The following C8orf58 variants were observed in gnomAD, a reference collection of about 807,000 sequenced individuals.
C8orf58 encodes the protein chromosome 8 open reading frame 58, also known as uncharacterized protein C8orf58.
Under a neutral mutation model 36.8 loss-of-function variants are expected in C8orf58, and 31 were observed. The ratio of observed to expected loss-of-function variants is 0.84; its 90% CI spans 0.63 to 1.14. The LOEUF (loss-of-function observed/expected upper bound fraction) is 1.14, where lower values mean the gene tolerates loss of function less well. Ranked by LOEUF, C8orf58 falls within the 50% of genes most tolerant of loss-of-function variation. The pLI is 0.00. For missense variants in C8orf58, 538 were observed against 480.8 expected (o/e 1.12, Z -1.11); for synonymous variants, 230 against 200.2 (o/e 1.15, Z -1.26).
In C8orf58 at chr8:22,603,241, C is replaced by T. The variant is rs373658775; in HGVS notation, c.1033C>T (p.Arg345Trp). 2.0e-5 allele frequency: 33 copies of T among 1,613,920 alleles called. 1 individual carries two copies. Among genetic ancestry groups the T allele is most frequent in the African/African-American group, 8.0e-5 (6 of 74,934 alleles). ...LPERPQCRPH[R>W]KTFMPSLVVK... Reference sequence around the variant, plus strand: ...TGAAAGGCCTCAGTGCCGCCCCCACCGGAAGACCTTTATGCCATCATTAGT... The same window carrying T: ...TGAAAGGCCTCAGTGCCGCCCCCACTGGAAGACCTTTATGCCATCATTAGT... The change falls in exon 7 of 7, where the codon CGG becomes TGG. Residue 345 changes from arginine to tryptophan, a missense_variant. Coordinates refer to ENST00000289989, the MANE Select transcript of C8orf58 (RefSeq NM_001013842.3).
intron 6 of C8orf58, 34 bp from the exon 7 acceptor site, chr8:22,603,161 C>T: frequency 1.0e-5 from 15 of 1,483,608 alleles, no homozygotes; most frequent in African/African-American, 1.4e-5. Flanking sequence ...TTTATTTCCC[C>T]CTTCTAGCCT....
intron 1 of C8orf58, chr8:22,600,559 T>C: frequency 2.9e-6 from 1 of 343,770 alleles, no homozygotes; most frequent in Non-Finnish European, 5.4e-6. Context: ...TCCCTACTTC[T>C]GACTCGGGAG....
In C8orf58 at chr8:22,602,207, G is replaced by T; in HGVS notation, c.774G>T (p.Lys258Asn). The change falls in exon 5 of 7, where the codon AAG becomes AAT. Residue 258 changes from lysine to asparagine, a missense_variant. Coordinates refer to ENST00000289989, the MANE Select transcript of C8orf58 (RefSeq NM_001013842.3). ...LLSQTEHTGA[K>N]AASPPKVEVP... ...CTGACTGTCTTTCTGAAGGAGCAAA[G>T]GCTGCTTCACCCCCAAAGGTGGAGG... The T allele has an allele frequency of 6.2e-7, 1 of 1,600,030 alleles. No homozygotes were observed. The highest frequency in any genetic ancestry group is 1.1e-5 in the South Asian group (1 of 88,202).
Position 22,600,777 on chromosome 8 carries a change from C to T in C8orf58, c.41-105C>T, listed in dbSNP as rs1800825426. 5.2e-5 allele frequency: 51 copies of T among 983,650 alleles called. 2 individuals are homozygous for T. In the South Asian group the frequency reaches 7.7e-4, roughly 15 times the overall value. The allele number at this position is 983,650 out of a possible 1,614,324, so 60.9% of individuals were successfully genotyped here. Reference sequence around the variant, plus strand: ...CGTGGCTGTCCAGTGACCGCCCTTCCTCACTGCTCCGGGACACTTCTCCCT... The same window carrying T: ...CGTGGCTGTCCAGTGACCGCCCTTCTTCACTGCTCCGGGACACTTCTCCCT... On this transcript the variant is annotated intron_variant, in intron 1 of 6. Transcript: ENST00000289989.
In C8orf58 at chr8:22,603,656, G is replaced by A. The variant is rs796455031; in HGVS notation, c.*350G>A. 6.4e-5 allele frequency: 24 copies of A among 374,248 alleles called. No individual in the cohort carries two copies. Among genetic ancestry groups the A allele is most frequent in the African/African-American group, 4.8e-4 (23 of 47,956 alleles). The allele number at this position is 374,248 out of a possible 1,614,324, so 23.2% of individuals were successfully genotyped here. A position where few individuals can be genotyped will look rare whatever the true frequency, so the allele number is the denominator to read the frequency against. ...GATGTGTATTTATGCGCAATGGTAT[G>A]CATATCTCTGTGTGACTGTCAGTGT... On this transcript the variant is annotated 3_prime_UTR_variant, in exon 7 of 7. Transcript: ENST00000289989.
At chr8:22,599,869 G>T (rs2117386800) in intron 1 of C8orf58, 109 bp downstream of exon 1, 1 of 490,042 alleles carries the variant, frequency 2.0e-6, no homozygotes, top group East Asian at 3.8e-5. Context: ...CGCGCACCCC[G>T]CGGGCGGAGC....
In C8orf58 at chr8:22,599,697, CG is replaced by C; in HGVS notation, c.-20del. The C allele has an allele frequency of 4.2e-6, 5 of 1,200,390 alleles. No individual in the cohort carries two copies. The highest frequency in any genetic ancestry group is 5.2e-6 in the Non-Finnish European group (5 of 965,280). The allele number at this position is 1,200,390 out of a possible 1,614,324, so 74.4% of individuals were successfully genotyped here. A position where few individuals can be genotyped will look rare whatever the true frequency, so the allele number is the denominator to read the frequency against. On this transcript the variant is annotated 5_prime_UTR_variant, in exon 1 of 7. Coordinates refer to ENST00000289989, the MANE Select transcript of C8orf58 (RefSeq NM_001013842.3). ...GGGATCCTCGGGCGGCTGCATTGGCCGGGGCCGGGGCCGGGAGCGGGCCATG... is the reference window on the plus strand; with the variant it reads ...GGGATCCTCGGGCGGCTGCATTGGCCGGGCCGGGGCCGGGAGCGGGCCATG...
intron 1 of C8orf58, chr8:22,600,533 CG>C (rs1800816620): frequency 3.3e-6 from 1 of 300,838 alleles, no homozygotes; most frequent in African/African-American, 2.2e-5. Context: ...TGGGGAGCAG[CG>C]GAAGAGCCTG....
rs1333985632 is a variant in C8orf58 at position 22,602,606 on chromosome 8, CCT to C, written c.950_951del (p.Pro317ArgfsTer7). 6.4e-7 allele frequency: 1 copy of C among 1,563,850 alleles called. No individual in the cohort carries two copies. The highest frequency in any genetic ancestry group is 8.7e-7 in the Non-Finnish European group (1 of 1,151,034). ...GATCTGCCGGAGAAGCCACCACCAC[CCT>C]GAGCCCCCTGCCCCTCCTGATGGCT... ...NRICRRSHHH[P>X]EPPAPPDGSD... is the part of the protein sequence containing the mutation. On this transcript the variant is annotated frameshift_variant, in exon 6 of 7. Transcript: ENST00000289989. LOFTEE classifies it low-confidence loss of function (END_TRUNC).
At position 22,601,675 on chromosome 8, in the gene C8orf58, C is replaced by G. The variant is rs959014170; in HGVS notation, c.517-37C>G. ...TGCTTAGGGTAGGGCAGGAGCCCTA[C>G]TGGCTGAAATCTCCCCTATCTCACA... On this transcript the variant is annotated intron_variant, in intron 2 of 6. Coordinates refer to ENST00000289989, the MANE Select transcript of C8orf58 (RefSeq NM_001013842.3). 8 of 1,569,856 alleles carry G rather than the reference C, an allele frequency of 5.1e-6. No homozygotes were observed. In the African/African-American group the frequency reaches 1.1e-4, roughly 21 times the overall value.
At position 22,602,186 on chromosome 8, in the gene C8orf58, C is replaced by T. The variant is rs773634510; in HGVS notation, c.767-14C>T. 2 of 1,584,482 alleles carry T rather than the reference C, an allele frequency of 1.3e-6. No individual in the cohort carries two copies. Among genetic ancestry groups the T allele is most frequent in the Non-Finnish European group, 1.7e-6 (2 of 1,165,756 alleles). On this transcript the variant is annotated splice_polypyrimidine_tract_variant and intron_variant, in intron 4 of 6. Transcript: ENST00000289989. ...TGTCTTCTGGCCCTGGCCAACCTGA[C>T]TGTCTTTCTGAAGGAGCAAAGGCTG... is the stretch of plus-strand genomic sequence containing the variant.
In C8orf58 at chr8:22,599,707, G is replaced by T; in HGVS notation, c.-14G>T. Reference sequence around the variant, plus strand: ...GGCGGCTGCATTGGCCGGGGCCGGGGCCGGGAGCGGGCCATGATGGGCCGG... The same window carrying T: ...GGCGGCTGCATTGGCCGGGGCCGGGTCCGGGAGCGGGCCATGATGGGCCGG... On this transcript the variant is annotated 5_prime_UTR_variant, in exon 1 of 7. Transcript: ENST00000289989. 8.2e-7 allele frequency: 1 copy of T among 1,212,312 alleles called. No individual in the cohort carries two copies. 75.1% of individuals were successfully genotyped at this position (1,212,312 alleles called of 1,614,324 possible). A position where few individuals can be genotyped will look rare whatever the true frequency, so the allele number is the denominator to read the frequency against.
At chr8:22,602,403 C>G in intron 5 of C8orf58, 91 bp downstream of exon 5, 1 of 1,323,554 alleles carries the variant, frequency 7.6e-7, no homozygotes, top group African/African-American at 1.5e-5. Flanking sequence ...GCCAGCAACT[C>G]TGGGGAAATG....
Position 22,599,738 on chromosome 8 carries a change from C to G in C8orf58, c.18C>G (p.Arg6=). ...AGCGGGCCATGATGGGCCGGCGGCG[C>G]GCCTTCGCCGTGGACGGCCGGGGTG... MMGRR[R]AFAVDGRDGA... is the part of the protein sequence containing the mutation. The change falls in exon 1 of 7, where the codon CGC becomes CGG. Residue 6 remains arginine (R), a synonymous_variant. Coordinates refer to ENST00000289989, the MANE Select transcript of C8orf58 (RefSeq NM_001013842.3). The G allele has an allele frequency of 8.2e-7, 1 of 1,219,142 alleles. No homozygotes were observed. Among genetic ancestry groups the G allele is most frequent in the Non-Finnish European group, 1.0e-6 (1 of 979,838 alleles). The allele number at this position is 1,219,142 out of a possible 1,614,324, so 75.5% of individuals were successfully genotyped here.
chr8:22,601,110 C>G lies in C8orf58; in HGVS notation c.269C>G (p.Ser90Cys), dbSNP rs199978994. The G allele has an allele frequency of 5.6e-6, 9 of 1,612,302 alleles. No homozygotes were observed. Among genetic ancestry groups the G allele is most frequent in the Non-Finnish European group, 7.6e-6 (9 of 1,179,904 alleles). The change falls in exon 2 of 7, where the codon TCC becomes TGC. Residue 90 changes from serine to cysteine, a missense_variant. Transcript: ENST00000289989. The part of the protein sequence containing the change: ...LAALPGLSQD[S>C]LDFESSGSSE... ...GCCTTACCGGGCCTTTCTCAGGACTCCCTGGACTTTGAATCCTCAGGGAGT... is the reference window on the plus strand; with the variant it reads ...GCCTTACCGGGCCTTTCTCAGGACTGCCTGGACTTTGAATCCTCAGGGAGT...
At chr8:22,602,862 G>A in intron 6 of C8orf58, 1 of 579,292 alleles carries the variant, frequency 1.7e-6, no homozygotes, top group East Asian at 2.8e-5. Flanking sequence ...AAGCCGCACG[G>A]TGAGTCAGTG....
chr8:22,601,451 T>A, intron 2 of C8orf58, 94 bp downstream of exon 2: 1 of 1,068,122 alleles, frequency 9.4e-7, no homozygotes, highest in Non-Finnish European at 1.3e-6. Context: ...GGGCACTCCC[T>A]GCCCCTAATT....
At position 22,603,294 on chromosome 8, in the gene C8orf58, T is replaced by C; in HGVS notation, c.1086T>C (p.Leu362=). The change falls in exon 7 of 7, where the codon CTT becomes CTC. Residue 362 remains leucine, a synonymous_variant. Coordinates refer to ENST00000289989, the MANE Select transcript of C8orf58 (RefSeq NM_001013842.3). The part of the protein sequence containing the change: ...LVVKKQRAKN[L]SVG Reference sequence around the variant, plus strand: ...TTAAGAAGCAACGAGCAAAAAACCTTTCTGTAGGCTGAGACCTCTCGGTGC... The same window carrying C: ...TTAAGAAGCAACGAGCAAAAAACCTCTCTGTAGGCTGAGACCTCTCGGTGC... The C allele has an allele frequency of 6.2e-7, 1 of 1,613,276 alleles. No homozygotes were observed. Among genetic ancestry groups the C allele is most frequent in the African/African-American group, 1.3e-5 (1 of 75,032 alleles).
At chr8:22,602,687 T>A in intron 6 of C8orf58, 44 bp downstream of exon 6, 1 of 1,267,974 alleles carries the variant, frequency 7.9e-7, no homozygotes, top group Non-Finnish European at 1.1e-6. Flanking sequence ...GAGAGGAGAC[T>A]GATAAGCCAG....
Sources: allele counts gnomAD v4.1 joint callset, GRCh38; gene constraint gnomAD v4.1.1; transcripts MANE v1.5; gene names NCBI Gene and HGNC (gene_info 2026-07-23, HGNC 2026-07-21).